The following SNTG2 variants were observed in gnomAD, a reference collection of about 807,000 sequenced individuals.
SNTG2 encodes gamma-2-syntrophin.
SNTG2 carries 74 observed loss-of-function variants against 70.9 expected under a neutral mutation model. The observed-to-expected ratio is 1.04, with a 90% CI of 0.86 to 1.27. The LOEUF (loss-of-function observed/expected upper bound fraction) is 1.27, where lower values mean the gene tolerates loss of function less well. SNTG2 is among the 50% of genes most tolerant of loss of function. The pLI is 0.00. For missense variants in SNTG2, 717 were observed against 690.7 expected (o/e 1.04, Z -0.43); for synonymous variants, 278 against 273.8 (o/e 1.02, Z -0.15).
chr2:1,226,026 G>A (rs6727642), intron 9 of SNTG2, among the ~76,000 whole-genome samples: 35,548 of 152,012 alleles, frequency 0.23, 6,837 homozygotes, highest in African/African-American at 0.53. Context: ...AAACCTTGCT[G>A]TGGATTATGT....
intron 16 of SNTG2, among the ~76,000 whole-genome samples, chr2:1,338,374 T>C (rs1659922205): frequency 1.3e-5 from 2 of 152,264 alleles, no homozygotes; most frequent in Middle Eastern, 3.4e-3. Context: ...TTTTAACAAT[T>C]TTTTTTAGTT....
At position 1,228,317 on chromosome 2, in the gene SNTG2, C is replaced by T. The variant is rs556293592; in HGVS notation, c.720-9571C>T. 3.0e-4 allele frequency among the ~76,000 whole-genome samples: 45 copies of T among 152,332 alleles called. No individual in the cohort carries two copies. The South Asian group carries it at 8.1e-3, about 27-fold the overall frequency. On this transcript the variant is annotated intron_variant, in intron 9 of 16. Coordinates refer to ENST00000308624, the MANE Select transcript of SNTG2 (RefSeq NM_018968.4). ...GATCAGAGAACATGGACTGCAAGGC[C>T]GGCTCTGGCCCTGATCCATCTGGTT...
At chr2:1,058,342 A>T (rs990213920) in intron 1 of SNTG2, among the ~76,000 whole-genome samples, 9 of 152,058 alleles carry the variant, frequency 5.9e-5, no homozygotes, top group East Asian at 1.9e-4. Flanking sequence ...ATTTTTTTTT[A>T]AAAAAGCAAA....
intron 14 of SNTG2, among the ~76,000 whole-genome samples, chr2:1,307,756 A>G (rs780420224): frequency 1.1e-4 from 17 of 152,212 alleles, no homozygotes; most frequent in Non-Finnish European, 2.2e-4. Flanking sequence ...CTCGCTTTCA[A>G]CCAACATGGC....
At chr2:1,094,886 G>T (rs1172755431) in intron 2 of SNTG2, among the ~76,000 whole-genome samples, 1 of 88,756 alleles carries the variant, frequency 1.1e-5, no homozygotes, top group Non-Finnish European at 2.2e-5. Flanking sequence ...AGGCCTTATA[G>T]GTGTGTCCTC....
chr2:1,203,665 A>AC (rs1558526063), intron 8 of SNTG2, among the ~76,000 whole-genome samples: 14 of 83,104 alleles, frequency 1.7e-4, no homozygotes, highest in Non-Finnish European at 2.8e-4. Context: ...AAAACAAACA[A>AC]AAAAAAAAAT....
intron 14 of SNTG2, among the ~76,000 whole-genome samples, chr2:1,272,038 A>T (rs1679050633): frequency 6.6e-6 from 1 of 152,130 alleles, no homozygotes; most frequent in African/African-American, 2.4e-5. Flanking sequence ...TTATGGTGCC[A>T]GGGACCGGTT....
At chr2:1,109,900 C>G (rs540617872) in intron 4 of SNTG2, among the ~76,000 whole-genome samples, 1 of 152,138 alleles carries the variant, frequency 6.6e-6, no homozygotes, top group African/African-American at 2.4e-5. Context: ...AAAGGCAAGA[C>G]GAACGCGAAC....
intron 11 of SNTG2, among the ~76,000 whole-genome samples, chr2:1,241,711 A>G (rs1282810212): frequency 2.0e-5 from 3 of 152,216 alleles, no homozygotes; most frequent in Non-Finnish European, 1.5e-5. Context: ...TGTAGGGAGC[A>G]CAGTTTCCGC....
rs758784695 is a variant in SNTG2 at position 1,222,235 on chromosome 2, G to GT, written c.719+13013dup. 4.3e-3 allele frequency among the ~76,000 whole-genome samples: 648 copies of GT among 151,454 alleles called. 3 individuals are homozygous for GT. Among genetic ancestry groups the GT allele is most frequent in the Non-Finnish European group, 7.1e-3 (480 of 67,782 alleles). ...TTCTTTTCACCTCTGAGGATTATTCGTTTTTTTTCATTTTGACTGTAAGGG... is the reference window on the plus strand; with the variant it reads ...TTCTTTTCACCTCTGAGGATTATTCGTTTTTTTTTCATTTTGACTGTAAGGG... On this transcript the variant is annotated intron_variant, in intron 9 of 16. Transcript: ENST00000308624.
intron 8 of SNTG2, among the ~76,000 whole-genome samples, chr2:1,184,594 G>A (rs1672131586): frequency 6.6e-6 from 1 of 152,170 alleles, no homozygotes; most frequent in Non-Finnish European, 1.5e-5. Flanking sequence ...GGAAGCAGGT[G>A]TGCCTTCACA....
intron 7 of SNTG2, among the ~76,000 whole-genome samples, chr2:1,170,713 T>C (rs1367898688): frequency 6.6e-6 from 1 of 152,228 alleles, no homozygotes; most frequent in Non-Finnish European, 1.5e-5. Flanking sequence ...CGGACCCATG[T>C]ACATACCCTT....
At chr2:952,699 G>C (rs1572156389) in intron 1 of SNTG2, among the ~76,000 whole-genome samples, 1 of 152,156 alleles carries the variant, frequency 6.6e-6, no homozygotes, top group African/African-American at 2.4e-5. Context: ...ATTACAATAA[G>C]ATGGAGCATT....
intron 16 of SNTG2, chr2:1,346,548 C>G (rs567219567): frequency 2.0e-5 from 3 of 152,332 alleles, no homozygotes; most frequent in Non-Finnish European, 2.9e-5. Context: ...CCCTCCAACG[C>G]GGGCTTCAGC....
intron 14 of SNTG2, among the ~76,000 whole-genome samples, chr2:1,275,235 C>T (rs1679221312): frequency 1.3e-5 from 2 of 152,214 alleles, no homozygotes; most frequent in African/African-American, 2.4e-5. Flanking sequence ...ACATCCTTAC[C>T]TCGGCAACTA....
chr2:985,035 T>G (rs1661259129), intron 1 of SNTG2, among the ~76,000 whole-genome samples: 1 of 152,168 alleles, frequency 6.6e-6, no homozygotes, highest in African/African-American at 2.4e-5. Flanking sequence ...TATGTCCATT[T>G]TTTTCCCCAA....
intron 9 of SNTG2, among the ~76,000 whole-genome samples, chr2:1,215,550 C>CTTTTTTTTTTTTTTTT (rs11462408): frequency 6.6e-6 from 1 of 150,822 alleles, no homozygotes; most frequent in African/African-American, 2.4e-5. Flanking sequence ...TCTTTTTTTT[C>CTTTTTTTTTTTTTTTT]TTTTTTTTCT....
At chr2:1,109,516 T>C (rs570131424) in intron 4 of SNTG2, among the ~76,000 whole-genome samples, 18 of 152,288 alleles carry the variant, frequency 1.2e-4, no homozygotes, top group South Asian at 4.1e-4. Context: ...AAGGGACGCA[T>C]GATTATTCAC....
chr2:1,127,535 C>A (rs1412838200), intron 4 of SNTG2, among the ~76,000 whole-genome samples: 1 of 151,982 alleles, frequency 6.6e-6, no homozygotes, highest in African/African-American at 2.4e-5. Flanking sequence ...ATTTTTAGAT[C>A]GCTTTGGGGA....
Sources: gnomAD v4.1 joint callset for allele counts (sites outside exome capture counted in the v4.1 genomes callset) on GRCh38, gnomAD v4.1.1 for gene constraint, MANE v1.5 for transcripts, NCBI Gene and HGNC (gene_info 2026-07-23, HGNC 2026-07-21) for gene names.